The following TTYH3 variants were observed in gnomAD, a reference collection of about 807,000 sequenced individuals.
The protein encoded by TTYH3 is protein tweety homolog 3.
TTYH3 carries 23 observed loss-of-function variants against 68.2 expected under a neutral mutation model. That is an observed-to-expected ratio of 0.34 (90% CI 0.24 to 0.48). The LOEUF (loss-of-function observed/expected upper bound fraction) is 0.48. TTYH3 is among the 20% of genes least tolerant of loss of function. The probability of loss-of-function intolerance (pLI) is 0.99; values close to 1 mark genes in which losing one functional copy is unlikely to be tolerated. For missense variants in TTYH3, 768 were observed against 727.7 expected (o/e 1.06, Z -0.64); for synonymous variants, 360 against 332.8 (o/e 1.08, Z -0.89).
At chr7:2,640,510 C>T (rs774113004) in intron 1 of TTYH3, among the ~76,000 whole-genome samples, 6 of 152,206 alleles carry the variant, frequency 3.9e-5, no homozygotes, top group Admixed American at 1.3e-4. Flanking sequence ...CCAGGTGCTC[C>T]GGGAGCCACC....
chr7:2,652,721 C>T (rs1174827785), intron 8 of TTYH3, 197 bp from the exon 9 acceptor site: 2 of 582,660 alleles, frequency 3.4e-6, no homozygotes, highest in Admixed American at 3.0e-5. Flanking sequence ...TGGCTGTTAC[C>T]ACCTCAGGGC....
chr7:2,634,941 G>T (rs1785618780), intron 1 of TTYH3, among the ~76,000 whole-genome samples: 1 of 152,166 alleles, frequency 6.6e-6, no homozygotes, highest in South Asian at 2.1e-4. Flanking sequence ...GCCGCTGGGG[G>T]TGTGACCGTG....
At position 2,663,954 on chromosome 7, in the gene TTYH3, C is replaced by G. The variant is rs564845527; in HGVS notation, c.*2215C>G. 3.9e-4 allele frequency: 60 copies of G among 152,548 alleles called. No homozygotes were observed. The highest frequency in any genetic ancestry group is 1.4e-3 in the African/African-American group (59 of 41,584). The allele number at this position is 152,548 out of a possible 1,614,324, so 9.4% of individuals were successfully genotyped here. On this transcript the variant is annotated 3_prime_UTR_variant, in exon 14 of 14. Coordinates refer to ENST00000258796, the MANE Select transcript of TTYH3 (RefSeq NM_025250.3). ...TGGTTGTATTTTTGTTCTGAGTTTT[C>G]GGTGCCGTGTTCCTAACTACTCCAT...
chr7:2,649,838 A>C (rs3801077), intron 6 of TTYH3, 75 bp from the exon 7 acceptor site: 829,253 of 1,544,698 alleles, frequency 0.54, 226,105 homozygotes, highest in African/African-American at 0.75. Flanking sequence ...ACTCCAGGGG[A>C]CGGGTTCTAC....
chr7:2,638,387 G>A (rs914405685), intron 1 of TTYH3, among the ~76,000 whole-genome samples: 1 of 152,142 alleles, frequency 6.6e-6, no homozygotes, highest in Non-Finnish European at 1.5e-5. Context: ...CGGGAGAGCT[G>A]GGGTCCCCCG....
At position 2,652,232 on chromosome 7, in the gene TTYH3, C is replaced by G. The variant is rs775388396; in HGVS notation, c.917C>G (p.Pro306Arg). The part of the protein sequence containing the change: ...YLACSPRAAN[P>R]FQQKLSGSHK... ...GCCTGCTCGCCCCGCGCCGCCAACC[C>G]CTTCCAGCAGGTGAGAGCCTGGGAG... is the stretch of plus-strand genomic sequence containing the variant. The change falls in exon 8 of 14, where the codon CCC becomes CGC. Residue 306 changes from proline to arginine, a missense_variant. By Grantham distance (103) the Pro-to-Arg change is moderately radical. Transcript: ENST00000258796. The G allele has an allele frequency of 6.2e-7, 1 of 1,612,658 alleles. No individual in the cohort carries two copies. Among genetic ancestry groups the G allele is most frequent in the Admixed American group, 1.7e-5 (1 of 60,020 alleles).
chr7:2,632,063 G>T lies in TTYH3; in HGVS notation c.-93G>T. 1 of 1,153,504 alleles carries T rather than the reference G, an allele frequency of 8.7e-7. No individual in the cohort carries two copies. Among genetic ancestry groups the T allele is most frequent in the Non-Finnish European group, 1.1e-6 (1 of 926,086 alleles). The allele number at this position is 1,153,504 out of a possible 1,614,324, so 71.5% of individuals were successfully genotyped here. ...AGCGCGCGGATGATGCGGGCGGCCA[G>T]GCGGGGGTCGACGGGTCCCTGAAGC... On this transcript the variant is annotated 5_prime_UTR_variant, in exon 1 of 14. It adds an upstream start codon to the 5' untranslated region. Transcript: ENST00000258796.
intron 5 of TTYH3, 59 bp from the exon 6 acceptor site, chr7:2,649,508 G>A: frequency 2.0e-6 from 3 of 1,508,240 alleles, no homozygotes; most frequent in Non-Finnish European, 2.7e-6. Context: ...CTGCAGCCCA[G>A]CAGGTGGCAC....
Position 2,650,058 on chromosome 7 carries a change from G to T in TTYH3, c.871+70G>T. ...TGGGCTGAGCCAAAAGAGTGGGGTA[G>T]CTGAGGCCGAGACACCCCTGCCCTG... On this transcript the variant is annotated intron_variant, in intron 7 of 13. Coordinates refer to ENST00000258796, the MANE Select transcript of TTYH3 (RefSeq NM_025250.3). 2.6e-6 allele frequency: 4 copies of T among 1,545,162 alleles called. No homozygotes were observed. In the South Asian group the frequency reaches 3.4e-5, roughly 13 times the overall value.
chr7:2,660,523 CAG>C (rs1217225341), intron 13 of TTYH3: 1 of 985,286 alleles, frequency 1.0e-6, no homozygotes, highest in East Asian at 1.1e-4. Context: ...TGGGCTCCTT[CAG>C]GGGTCTGCGC....
chr7:2,647,915 C>A, intron 4 of TTYH3, 44 bp from the exon 5 acceptor site: 1 of 1,594,292 alleles, frequency 6.3e-7, no homozygotes, highest in Non-Finnish European at 8.5e-7. Context: ...CACTCCCAGG[C>A]CCCGGGTCCC....
At chr7:2,641,817 G>A (rs1785855177) in intron 1 of TTYH3, among the ~76,000 whole-genome samples, 1 of 152,208 alleles carries the variant, frequency 6.6e-6, no homozygotes, top group Non-Finnish European at 1.5e-5. Flanking sequence ...CCCGCAGACA[G>A]CTGGGCTCAG....
chr7:2,658,629 A>G (rs994775560), intron 12 of TTYH3, among the ~76,000 whole-genome samples, 170 bp downstream of exon 12: 1 of 152,184 alleles, frequency 6.6e-6, no homozygotes, highest in African/African-American at 2.4e-5. Context: ...TCCAGGGGCC[A>G]TGGAGAGGCC....
chr7:2,652,875 G>T, intron 8 of TTYH3, 43 bp from the exon 9 acceptor site: 2 of 1,479,302 alleles, frequency 1.4e-6, no homozygotes, highest in Non-Finnish European at 1.8e-6. Context: ...AGAGGCGGGC[G>T]GACCCAGCAG....
At chr7:2,650,032 T>A (rs1583568493) in intron 7 of TTYH3, 44 bp downstream of exon 7, 2 of 1,608,012 alleles carry the variant, frequency 1.2e-6, no homozygotes, top group East Asian at 4.5e-5. Context: ...TTCCCCAGGG[T>A]TGGGCTGAGC....
Position 2,661,869 on chromosome 7 carries a change from C to A in TTYH3, c.*130C>A, listed in dbSNP as rs1031833924. 9.9e-7 allele frequency: 1 copy of A among 1,008,622 alleles called. No homozygotes were observed. The highest frequency in any genetic ancestry group is 1.6e-5 in the African/African-American group (1 of 62,952). The allele number at this position is 1,008,622 out of a possible 1,614,324, so 62.5% of individuals were successfully genotyped here. On this transcript the variant is annotated 3_prime_UTR_variant, in exon 14 of 14. Coordinates refer to ENST00000258796, the MANE Select transcript of TTYH3 (RefSeq NM_025250.3). Reference sequence around the variant, plus strand: ...GCCTGCCCCAGACGCGTCTGCAGGCCGCTTGCCCTCCTGTCCCCTCCCCGC... The same window carrying A: ...GCCTGCCCCAGACGCGTCTGCAGGCAGCTTGCCCTCCTGTCCCCTCCCCGC...
intron 1 of TTYH3, among the ~76,000 whole-genome samples, chr7:2,646,407 C>G (rs950927966): frequency 6.6e-6 from 1 of 152,212 alleles, no homozygotes; most frequent in African/African-American, 2.4e-5. Context: ...GGTGGCTCAC[C>G]AGCAGCGTCC....
Position 2,647,173 on chromosome 7 carries a change from G to T in TTYH3, c.325G>T (p.Gly109Trp), listed in dbSNP as rs765393134. 1.9e-6 allele frequency: 3 copies of T among 1,606,698 alleles called. No homozygotes were observed. Among genetic ancestry groups the T allele is most frequent in the Non-Finnish European group, 2.5e-6 (3 of 1,178,088 alleles). ...CATCGCAGTGGGATTCTACGGCAAC[G>T]GGGAGACCAGTGATGGCATCCATAG... ...AGIAVGFYGN[G>W]ETSDGIHRAT... is the part of the protein sequence containing the mutation. Residue 109 changes from glycine to tryptophan, a missense_variant, in exon 3 of 14, where the codon GGG (glycine) becomes TGG (tryptophan). Coordinates refer to ENST00000258796, the MANE Select transcript of TTYH3 (RefSeq NM_025250.3).
rs781607646 is a variant in TTYH3, at chr7:2,646,892, G to C, written c.163G>C (p.Ala55Pro). 6.3e-7 allele frequency: 1 copy of C among 1,598,336 alleles called. No individual in the cohort carries two copies. Among genetic ancestry groups the C allele is most frequent in the Admixed American group, 1.7e-5 (1 of 59,934 alleles). The stretch of plus-strand genomic sequence containing the variant: ...GGGGGCCGCCGCCCTGGCCTGCCTC[G>C]CCCTGGACCTCCTCTTCCTGCTCTT... ...LLGAAALACLALDLLFLLFYS... is the reference protein window; with the variant it reads ...LLGAAALACLPLDLLFLLFYS... The change falls in exon 2 of 14, where the codon GCC (alanine) becomes CCC (proline). Residue 55 changes from alanine to proline, a missense_variant. Transcript: ENST00000258796.
Sources: allele counts gnomAD v4.1 joint callset (sites outside exome capture counted in the v4.1 genomes callset), GRCh38; gene constraint gnomAD v4.1.1; transcripts MANE v1.5; gene names NCBI Gene and HGNC (gene_info 2026-07-23, HGNC 2026-07-21).